Variants in NFATC1 observed in about 807,000 individuals in gnomAD.
NFATC1 encodes the protein nuclear factor of activated T cells 1.
Under a neutral mutation model 76.0 loss-of-function variants are expected in NFATC1, and 22 were observed. The observed-to-expected ratio is 0.29, with a 90% CI of 0.21 to 0.41. The LOEUF is 0.41. Ranked by LOEUF, NFATC1 falls within the 10% of genes least tolerant of loss-of-function variation. The probability of loss-of-function intolerance (pLI) is 1.00; values close to 1 mark genes in which losing one functional copy is unlikely to be tolerated. For missense variants in NFATC1, 1,357 were observed against 1,337.7 expected (o/e 1.01, Z -0.23); for synonymous variants, 704 against 613.1 (o/e 1.15, Z -2.19).
intron 9 of NFATC1, among the ~76,000 whole-genome samples, chr18:79,501,014 C>T (rs762926724): frequency 2.6e-5 from 4 of 151,378 alleles, no homozygotes; most frequent in Non-Finnish European, 5.9e-5. Flanking sequence ...ATACCAAAAT[C>T]AAAAGTATCG....
intron 6 of NFATC1, among the ~76,000 whole-genome samples, chr18:79,455,566 G>A (rs2087662899): frequency 1.3e-5 from 2 of 152,204 alleles, no homozygotes; most frequent in African/African-American, 2.4e-5. Context: ...GCCCTGCCCT[G>A]GTTCGCAGGG....
Position 79,483,349 on chromosome 18 carries a change from T to C in NFATC1, c.2093-2899T>C, listed in dbSNP as rs1159473213. On this transcript the variant is annotated intron_variant, in intron 8 of 9. Transcript: ENST00000427363. ...GGGTGTCATTCCGGCATGACCTGGT[T>C]CCTGGGGTGTCATTCCGGCGTGACC... Among the ~76,000 whole-genome samples, 5 of 121,666 alleles carry C rather than the reference T, an allele frequency of 4.1e-5. 1 individual carries two copies. Among genetic ancestry groups the C allele is most frequent in the African/African-American group, 1.7e-4 (5 of 29,186 alleles). 79.8% of individuals were successfully genotyped at this position (121,666 alleles called of 152,430 possible).
chr18:79,474,229 C>CTG (rs2088934269), intron 8 of NFATC1, among the ~76,000 whole-genome samples: 1 of 79,808 alleles, frequency 1.3e-5, no homozygotes, highest in African/African-American at 6.0e-5. Context: ...CGACGTAAAC[C>CTG]TGAGGGAAGC....
Position 79,529,253 on chromosome 18 carries a change from C to T in NFATC1, c.*1676C>T. ...CAGGGGACTGTCATTGAAAAGGAAA[C>T]GTTTGATGTCTGTGTCAGCTGTCTT... On this transcript the variant is annotated 3_prime_UTR_variant, in exon 10 of 10. Coordinates refer to ENST00000427363, the MANE Select transcript of NFATC1 (RefSeq NM_001278669.2). 6.6e-6 allele frequency: 1 copy of T among 152,210 alleles called. No homozygotes were observed. The highest frequency in any genetic ancestry group is 1.5e-5 in the Non-Finnish European group (1 of 68,042). The allele number at this position is 152,210 out of a possible 1,614,324, so 9.4% of individuals were successfully genotyped here. A position where few individuals can be genotyped will look rare whatever the true frequency, so the allele number is the denominator to read the frequency against.
chr18:79,457,437 A>G (rs2087794834), intron 6 of NFATC1, among the ~76,000 whole-genome samples: 1 of 151,952 alleles, frequency 6.6e-6, no homozygotes, highest in Non-Finnish European at 1.5e-5. Flanking sequence ...GTCAGTCCCC[A>G]CTGCAGGAGG....
chr18:79,462,616 A>C (rs150513552), intron 7 of NFATC1, among the ~76,000 whole-genome samples: 3 of 152,310 alleles, frequency 2.0e-5, no homozygotes, highest in Non-Finnish European at 4.4e-5. Context: ...ATGTTCACTT[A>C]TTATTGATAC....
intron 2 of NFATC1, among the ~76,000 whole-genome samples, chr18:79,430,224 A>G (rs1329390717): frequency 6.6e-6 from 1 of 152,206 alleles, no homozygotes; most frequent in African/African-American, 2.4e-5. Context: ...AGACTGCCTT[A>G]TCTTTAGGAA....
chr18:79,478,376 G>C (rs528238288), intron 8 of NFATC1, among the ~76,000 whole-genome samples: 1 of 152,142 alleles, frequency 6.6e-6, no homozygotes, highest in Admixed American at 6.5e-5. Context: ...AGGGGACTAC[G>C]TTGGGAGGAG....
chr18:79,493,555 G>A (rs2089761127), intron 9 of NFATC1: 3 of 152,370 alleles, frequency 2.0e-5, no homozygotes, highest in Admixed American at 6.5e-5. Context: ...GCAGGTAGAC[G>A]AGGCGGCCGG....
Position 79,411,385 on chromosome 18 carries a change from C to T in NFATC1, c.1110C>T (p.Asp370=). The change falls in exon 2 of 10, where the codon GAC becomes GAT. Residue 370 remains aspartate (D), a synonymous_variant. Transcript: ENST00000427363. ...CCCCGGCCGACTTCGCGCCCGAAGA[C>T]TACTCCTCTTTCCAGCACATCAGGA... The part of the protein sequence containing the change: ...PPPPADFAPE[D]YSSFQHIRKG... The T allele has an allele frequency of 2.5e-6, 4 of 1,582,512 alleles. No individual in the cohort carries two copies. Among genetic ancestry groups the T allele is most frequent in the Non-Finnish European group, 3.4e-6 (4 of 1,166,500 alleles).
chr18:79,433,765 T>C, intron 3 of NFATC1, 27 bp downstream of exon 3: 1 of 1,599,194 alleles, frequency 6.3e-7, no homozygotes, highest in Non-Finnish European at 8.5e-7. Context: ...GACTCGCACG[T>C]CACTTGGTGC....
chr18:79,459,027 G>A (rs1164530274), intron 6 of NFATC1, among the ~76,000 whole-genome samples: 1 of 152,242 alleles, frequency 6.6e-6, no homozygotes, highest in East Asian at 1.9e-4. Context: ...CGGACACCAC[G>A]GGGAGAGGCC....
chr18:79,460,718 G>A (rs2088020797), intron 6 of NFATC1, among the ~76,000 whole-genome samples: 1 of 152,144 alleles, frequency 6.6e-6, no homozygotes. Context: ...CCAGCGGCCA[G>A]GCCCTCATCC....
At chr18:79,523,580 G>C (rs1365771232) in intron 9 of NFATC1, among the ~76,000 whole-genome samples, 1 of 152,270 alleles carries the variant, frequency 6.6e-6, no homozygotes, top group East Asian at 1.9e-4. Context: ...GGCAGTGAAA[G>C]CCATGCCTGC....
chr18:79,496,579 A>G (rs920234535), intron 9 of NFATC1: 2 of 152,254 alleles, frequency 1.3e-5, no homozygotes, highest in African/African-American at 2.4e-5. Flanking sequence ...GTTTCTGCGC[A>G]TGGACTCCTG....
chr18:79,472,119 T>C (rs1188577207), intron 8 of NFATC1, among the ~76,000 whole-genome samples: 2 of 151,856 alleles, frequency 1.3e-5, no homozygotes, highest in African/African-American at 4.8e-5. Flanking sequence ...CCAGCGATCA[T>C]CACGGGAGAG....
At chr18:79,419,230 C>T (rs1330261764) in intron 2 of NFATC1, among the ~76,000 whole-genome samples, 1 of 152,144 alleles carries the variant, frequency 6.6e-6, no homozygotes, top group Non-Finnish European at 1.5e-5. Flanking sequence ...GCCGTGTTGT[C>T]CAGGGCTGAT....
At chr18:79,494,493 GCA>G (rs2089809479) in intron 9 of NFATC1, among the ~76,000 whole-genome samples, 2 of 117,974 alleles carry the variant, frequency 1.7e-5, no homozygotes, top group African/African-American at 6.4e-5. Flanking sequence ...GCGAGAGCGG[GCA>G]CACGCCCCCC....
At chr18:79,507,332 T>C (rs907188666) in intron 9 of NFATC1, among the ~76,000 whole-genome samples, 1 of 152,242 alleles carries the variant, frequency 6.6e-6, no homozygotes, top group Non-Finnish European at 1.5e-5. Flanking sequence ...CACAGCAGCC[T>C]GGACTGCGGG....
Sources: gnomAD v4.1 joint callset for allele counts (sites outside exome capture counted in the v4.1 genomes callset) on GRCh38, gnomAD v4.1.1 for gene constraint, MANE v1.5 for transcripts, NCBI Gene and HGNC (gene_info 2026-07-23, HGNC 2026-07-21) for gene names.